The following DSG2 variants were observed in gnomAD, a reference collection of about 807,000 sequenced individuals.
DSG2 encodes desmoglein 2, also known as desmoglein-2.
Under a neutral mutation model 75.6 loss-of-function variants are expected in DSG2, and 45 were observed. The observed-to-expected ratio is 0.60, with a 90% CI of 0.47 to 0.76. The LOEUF is 0.76. DSG2 is among the 30% of genes least tolerant of loss of function. The pLI is 0.00. For synonymous variants in DSG2, 429 were observed against 483.9 expected (o/e 0.89, Z 1.49); for missense variants, 1,267 against 1,357.4 (o/e 0.93, Z 1.05).
At chr18:31,504,811 T>G (rs1309084076) in intron 1 of DSG2, among the ~76,000 whole-genome samples, 1 of 152,222 alleles carries the variant, frequency 6.6e-6, no homozygotes, top group Non-Finnish European at 1.5e-5. Context: ...ATCTGTCTTC[T>G]GGAAATTGCA....
At chr18:31,527,475 T>C (rs984603886) in intron 8 of DSG2, among the ~76,000 whole-genome samples, 1 of 152,076 alleles carries the variant, frequency 6.6e-6, no homozygotes, top group Non-Finnish European at 1.5e-5. Flanking sequence ...AAAAAAACAA[T>C]AAAATGAGTA....
chr18:31,521,499 G>T (rs2144316922), intron 5 of DSG2, among the ~76,000 whole-genome samples: 1 of 152,232 alleles, frequency 6.6e-6, no homozygotes, highest in Admixed American at 6.5e-5. Flanking sequence ...TCTGCTATCT[G>T]CAGGAAAGCA....
chr18:31,513,212 C>T (rs528615159), intron 1 of DSG2, among the ~76,000 whole-genome samples: 26 of 152,264 alleles, frequency 1.7e-4, no homozygotes, highest in Non-Finnish European at 2.9e-4. Context: ...CAAATTTGAA[C>T]GATTCTGTAA....
chr18:31,543,561 T>G (rs2073284105), intron 14 of DSG2, among the ~76,000 whole-genome samples: 1 of 152,086 alleles, frequency 6.6e-6, no homozygotes, highest in East Asian at 1.9e-4. Flanking sequence ...GAAGCAGAAC[T>G]GAAAATAAAA....
intron 1 of DSG2, among the ~76,000 whole-genome samples, chr18:31,502,978 G>GT (rs1358144351): frequency 6.6e-6 from 1 of 152,110 alleles, no homozygotes; most frequent in African/African-American, 2.4e-5. Context: ...TCTCAGTTTT[G>GT]TTTTTTATTA....
intron 9 of DSG2, among the ~76,000 whole-genome samples, chr18:31,534,394 G>A (rs1251752771): frequency 2.0e-5 from 3 of 151,952 alleles, no homozygotes; most frequent in South Asian, 2.1e-4. Flanking sequence ...ACCCAGAAAC[G>A]ATTTTATCGG....
At chr18:31,501,068 T>G (rs2073011110) in intron 1 of DSG2, among the ~76,000 whole-genome samples, 1 of 152,218 alleles carries the variant, frequency 6.6e-6, no homozygotes, top group Non-Finnish European at 1.5e-5. Context: ...CTAATAGACT[T>G]TCTACTAGAT....
intron 13 of DSG2, 187 bp from the exon 14 acceptor site, chr18:31,542,333 G>C: frequency 1.5e-6 from 1 of 658,014 alleles, no homozygotes; most frequent in Non-Finnish European, 2.7e-6. Context: ...TATAAAACAA[G>C]AAGAGAGAAG....
Position 31,498,275 on chromosome 18 carries a change from G to A in DSG2, c.24G>A (p.Ala8=). 1.6e-6 allele frequency: 2 copies of A among 1,264,660 alleles called. No individual in the cohort carries two copies. The highest frequency in any genetic ancestry group is 4.1e-5 in the Admixed American group (1 of 24,662). 78.3% of individuals were successfully genotyped at this position (1,264,660 alleles called of 1,614,324 possible). A position where few individuals can be genotyped will look rare whatever the true frequency, so the allele number is the denominator to read the frequency against. MARSPGR[A]YALLLLLICF... ...CGATGGCGCGGAGCCCGGGACGCGC[G>A]TACGCCCTGCTGCTTCTCCTGGTAA... The change falls in exon 1 of 15, where the codon GCG becomes GCA. Residue 8 remains alanine, a synonymous_variant. Transcript: ENST00000261590.
At chr18:31,542,363 C>G in intron 13 of DSG2, 157 bp from the exon 14 acceptor site, 1 of 744,810 alleles carries the variant, frequency 1.3e-6, no homozygotes, top group South Asian at 1.6e-5. Context: ...CTTCATAAGA[C>G]TTACATAAGT....
intron 6 of DSG2, among the ~76,000 whole-genome samples, chr18:31,523,025 A>C (rs150775439): frequency 1.3e-5 from 2 of 152,326 alleles, no homozygotes; most frequent in African/African-American, 4.8e-5. Flanking sequence ...AGCGTACAAG[A>C]GTAAAATGTG....
At chr18:31,537,623 A>C (rs2144344503) in intron 11 of DSG2, among the ~76,000 whole-genome samples, 1 of 152,150 alleles carries the variant, frequency 6.6e-6, no homozygotes, top group African/African-American at 2.4e-5. Flanking sequence ...TGTCTCAAAA[A>C]AAAAACTCCC....
Position 31,524,738 on chromosome 18 carries a change from A to G in DSG2, c.864A>G (p.Val288=). ...TGGTTGAAGAAAATCAAGTCAACGT[A>G]GAAGTTACGCGCATAAAAGTGTTCG... ...EGMVEENQVN[V]EVTRIKVFDA... is the part of the protein sequence containing the mutation. Residue 288 remains valine (V), a synonymous_variant, in exon 8 of 15, where the codon GTA becomes GTG. Coordinates refer to ENST00000261590, the MANE Select transcript of DSG2 (RefSeq NM_001943.5). The G allele has an allele frequency of 6.2e-7, 1 of 1,614,216 alleles. No homozygotes were observed. Among genetic ancestry groups the G allele is most frequent in the Non-Finnish European group, 8.5e-7 (1 of 1,180,026 alleles).
At chr18:31,523,883 G>C (rs184751506) in intron 6 of DSG2, among the ~76,000 whole-genome samples, 1 of 152,310 alleles carries the variant, frequency 6.6e-6, no homozygotes, top group Admixed American at 6.5e-5. Flanking sequence ...TCTGCCCTAT[G>C]CAGGACCCCA....
At position 31,520,869 on chromosome 18, in the gene DSG2, A is replaced by G. The variant is rs946331313; in HGVS notation, c.283A>G (p.Thr95Ala). Residue 95 changes from threonine (T) to alanine (A), a missense_variant, in exon 4 of 15, where the codon ACA becomes GCA. Thr to Ala is a moderately conservative substitution (Grantham distance 58). Coordinates refer to ENST00000261590, the MANE Select transcript of DSG2 (RefSeq NM_001943.5). ...ITYKYTGKGI[T>A]EPPFGIFVFN... is the part of the protein sequence containing the mutation. ...TTACAAATACACTGGAAAAGGGATTACAGAGCCACCTTTTGGTATATTTGT... is the reference window on the plus strand; with the variant it reads ...TTACAAATACACTGGAAAAGGGATTGCAGAGCCACCTTTTGGTATATTTGT... 2 of 1,613,860 alleles carry G rather than the reference A, an allele frequency of 1.2e-6. No individual in the cohort carries two copies. Among genetic ancestry groups the G allele is most frequent in the Admixed American group, 3.3e-5 (2 of 60,010 alleles).
chr18:31,505,656 C>CTTTTT (rs558578470), intron 1 of DSG2, among the ~76,000 whole-genome samples: 17 of 136,070 alleles, frequency 1.2e-4, no homozygotes, highest in Non-Finnish European at 1.3e-4. Context: ...ATTTTTTTTT[C>CTTTTT]TTTTTTTTTT....
intron 1 of DSG2, among the ~76,000 whole-genome samples, chr18:31,504,765 A>T (rs1380990525): frequency 6.6e-6 from 1 of 152,170 alleles, no homozygotes; most frequent in African/African-American, 2.4e-5. Flanking sequence ...CCCTACTCAG[A>T]TACTTTCCCC....
Position 31,498,210 on chromosome 18 carries a change from G to GCGC in DSG2, c.-41_-39dup. ...GAGTGCGCGCTCGGGGCAGGCGGCG[G>GCGC]CGCGGAGCGGTGCGGCGGCGGGAGG... On this transcript the variant is annotated 5_prime_UTR_variant, in exon 1 of 15. Transcript: ENST00000261590. The GCGC allele has an allele frequency of 8.1e-7, 1 of 1,239,084 alleles. No homozygotes were observed. Among genetic ancestry groups the GCGC allele is most frequent in the East Asian group, 3.2e-5 (1 of 31,158 alleles). The allele number at this position is 1,239,084 out of a possible 1,614,324, so 76.8% of individuals were successfully genotyped here.
At chr18:31,507,584 C>T (rs1320891661) in intron 1 of DSG2, among the ~76,000 whole-genome samples, 3 of 152,202 alleles carry the variant, frequency 2.0e-5, no homozygotes, top group Non-Finnish European at 2.9e-5. Flanking sequence ...TCCTCTCCAG[C>T]ATCTGTTGTT....
Sources: gnomAD v4.1 joint callset for allele counts (sites outside exome capture counted in the v4.1 genomes callset) on GRCh38, gnomAD v4.1.1 for gene constraint, MANE v1.5 for transcripts, NCBI Gene and HGNC (gene_info 2026-07-23, HGNC 2026-07-21) for gene names.